Variants in TANC2 observed in about 807,000 individuals in gnomAD.
TANC2 encodes tetratricopeptide repeat, ankyrin repeat and coiled-coil containing 2, also known as protein TANC2.
TANC2 carries 26 observed loss-of-function variants against 210.5 expected under a neutral mutation model. That is an observed-to-expected ratio of 0.12 (90% CI 0.09 to 0.17). The LOEUF (loss-of-function observed/expected upper bound fraction) is 0.17, where lower values mean the gene tolerates loss of function less well. Ranked by LOEUF, TANC2 falls within the 10% of genes least tolerant of loss-of-function variation. The pLI is 1.00. For synonymous variants in TANC2, 931 were observed against 967.1 expected (o/e 0.96, Z 0.69); for missense variants, 2,129 against 2,608.9 (o/e 0.82, Z 4.01).
intron 7 of TANC2, among the ~76,000 whole-genome samples, chr17:63,205,737 C>T (rs1489500366): frequency 2.0e-5 from 3 of 151,774 alleles, no homozygotes; most frequent in African/African-American, 7.3e-5. Flanking sequence ...GCCAACATAG[C>T]GAGACCCCCA....
intron 17 of TANC2, among the ~76,000 whole-genome samples, chr17:63,395,350 T>C (rs2048119394): frequency 6.6e-6 from 1 of 152,240 alleles, no homozygotes; most frequent in African/African-American, 2.4e-5. Flanking sequence ...TTCTTCCCTT[T>C]TTTGATTTCA....
intron 1 of TANC2, among the ~76,000 whole-genome samples, chr17:62,996,960 C>T (rs751216173): frequency 2.0e-5 from 3 of 147,738 alleles, no homozygotes; most frequent in Non-Finnish European, 3.0e-5. Context: ...ATTACAAGTG[C>T]GCACCACCAC....
chr17:63,212,885 A>C (rs1213629279), intron 7 of TANC2, among the ~76,000 whole-genome samples: 3 of 152,190 alleles, frequency 2.0e-5, no homozygotes, highest in Non-Finnish European at 4.4e-5. Context: ...GATAGATCTC[A>C]TGTTTTCAAC....
At chr17:63,347,318 A>G (rs1218484105) in intron 12 of TANC2, among the ~76,000 whole-genome samples, 5 of 152,190 alleles carry the variant, frequency 3.3e-5, no homozygotes, top group African/African-American at 1.2e-4. Context: ...TGATAGAAAT[A>G]AGAACAGTGG....
At chr17:63,291,346 G>T (rs764086160) in intron 9 of TANC2, among the ~76,000 whole-genome samples, 1 of 152,148 alleles carries the variant, frequency 6.6e-6, no homozygotes, top group African/African-American at 2.4e-5. Context: ...TAGCCTTCCT[G>T]TTCTACCAAA....
chr17:63,073,804 C>A, intron 2 of TANC2, 139 bp from the exon 3 acceptor site: 5 of 818,292 alleles, frequency 6.1e-6, no homozygotes, highest in East Asian at 3.0e-5. Flanking sequence ...AAGAAAAATC[C>A]TCAAATATTT....
intron 4 of TANC2, among the ~76,000 whole-genome samples, chr17:63,122,460 G>C (rs1427616306): frequency 1.3e-5 from 2 of 152,212 alleles, no homozygotes; most frequent in African/African-American, 4.8e-5. Flanking sequence ...AACATGGCTG[G>C]GTCTAGTGGC....
intron 4 of TANC2, among the ~76,000 whole-genome samples, chr17:63,131,858 AT>A (rs565463666): frequency 2.8e-4 from 42 of 152,128 alleles, no homozygotes; most frequent in Non-Finnish European, 5.7e-4. Context: ...TTCCATCAAG[AT>A]TTGAAAGCTA....
chr17:63,063,365 C>A (rs2036063788), intron 2 of TANC2, among the ~76,000 whole-genome samples: 1 of 152,098 alleles, frequency 6.6e-6, no homozygotes, highest in African/African-American at 2.4e-5. Flanking sequence ...GAGGATGGGG[C>A]ATGATGGGCT....
intron 12 of TANC2, among the ~76,000 whole-genome samples, chr17:63,348,643 T>C (rs1232014758): frequency 6.6e-6 from 1 of 152,214 alleles, no homozygotes; most frequent in Non-Finnish European, 1.5e-5. Flanking sequence ...TTCTATGAAA[T>C]ATGGTGATCG....
intron 5 of TANC2, among the ~76,000 whole-genome samples, chr17:63,192,957 G>C (rs2041233511): frequency 6.6e-6 from 1 of 152,106 alleles, no homozygotes; most frequent in Non-Finnish European, 1.5e-5. Flanking sequence ...TAACTTTGTA[G>C]GAGACAGTGA....
chr17:63,244,016 A>G (rs1429302341), intron 8 of TANC2, among the ~76,000 whole-genome samples: 1 of 152,206 alleles, frequency 6.6e-6, no homozygotes, highest in Non-Finnish European at 1.5e-5. Flanking sequence ...TCAAGACTGT[A>G]AGATGGATTT....
intron 5 of TANC2, among the ~76,000 whole-genome samples, chr17:63,177,281 AAAC>A (rs2040620985): frequency 6.6e-6 from 1 of 151,500 alleles, no homozygotes; most frequent in Non-Finnish European, 1.5e-5. Context: ...AAAAAAAAAA[AAAC>A]ACAAAATTTA....
intron 4 of TANC2, among the ~76,000 whole-genome samples, chr17:63,128,632 C>G (rs2038801249): frequency 6.6e-6 from 1 of 152,156 alleles, no homozygotes; most frequent in Admixed American, 6.5e-5. Flanking sequence ...CCAACTTTTT[C>G]TTTGCTCATT....
At chr17:63,313,220 AT>A (rs1345662881) in intron 9 of TANC2, 1 of 152,104 alleles carries the variant, frequency 6.6e-6, no homozygotes, top group African/African-American at 2.4e-5. Context: ...GTAATACCTT[AT>A]TTTTAATTAA....
intron 9 of TANC2, among the ~76,000 whole-genome samples, chr17:63,288,692 T>C (rs2044295820): frequency 6.6e-6 from 1 of 152,182 alleles, no homozygotes; most frequent in Admixed American, 6.5e-5. Context: ...CATTATGTAA[T>C]ACCCCTCCCT....
chr17:63,318,831 TTTTA>T, intron 10 of TANC2, 122 bp from the exon 11 acceptor site: 1 of 1,152,602 alleles, frequency 8.7e-7, no homozygotes, highest in Non-Finnish European at 1.2e-6. Flanking sequence ...GGACATGTGT[TTTTA>T]TTTCTCTTAA....
intron 5 of TANC2, chr17:63,152,924 A>T (rs1598482805): frequency 6.6e-6 from 1 of 152,200 alleles, no homozygotes; most frequent in East Asian, 1.9e-4. Flanking sequence ...TTGAATTAGA[A>T]TTAAACTAAA....
At chr17:63,136,930 G>T (rs1022136733) in intron 4 of TANC2, among the ~76,000 whole-genome samples, 1 of 152,116 alleles carries the variant, frequency 6.6e-6, no homozygotes, top group Non-Finnish European at 1.5e-5. Context: ...AGAGTACTGA[G>T]GACAGAGCTA....
Sources: gnomAD v4.1 joint callset for allele counts (sites outside exome capture counted in the v4.1 genomes callset) on GRCh38, gnomAD v4.1.1 for gene constraint, MANE v1.5 for transcripts, NCBI Gene and HGNC (gene_info 2026-07-23, HGNC 2026-07-21) for gene names.